JPH3: variants seen among roughly 807,000 people sequenced by gnomAD.
The protein encoded by JPH3 is junctophilin-3.
JPH3 carries 11 observed loss-of-function variants against 59.6 expected under a neutral mutation model. The ratio of observed to expected loss-of-function variants is 0.18; its 90% CI spans 0.12 to 0.31. The LOEUF (loss-of-function observed/expected upper bound fraction) is 0.31, where lower values mean the gene tolerates loss of function less well. JPH3 is among the 10% of genes least tolerant of loss of function. The pLI is 1.00. For synonymous variants in JPH3, 673 were observed against 483.6 expected (o/e 1.39, Z -5.14); for missense variants, 1,202 against 1,105.7 (o/e 1.09, Z -1.24).
intron 2 of JPH3, among the ~76,000 whole-genome samples, chr16:87,652,005 C>T (rs777333074): frequency 3.8e-4 from 57 of 151,088 alleles, no homozygotes; most frequent in Middle Eastern, 6.8e-3. Flanking sequence ...GATGGAGTCT[C>T]GCTCTGTTGC....
chr16:87,688,373 C>G lies in JPH3; in HGVS notation c.1286-1273C>G, dbSNP rs146581992. On this transcript the variant is annotated intron_variant, in intron 3 of 4. Transcript: ENST00000284262. ...AGCCTGGTGGCGTCGCAGCGTGCCC[C>G]GAATCTGCTTGCTAACGTCTCTTTA... Among the ~76,000 whole-genome samples, 5 of 152,194 alleles carry G rather than the reference C, an allele frequency of 3.3e-5. No individual in the cohort carries two copies. In the East Asian group the frequency reaches 7.7e-4, roughly 23 times the overall value.
intron 1 of JPH3, among the ~76,000 whole-genome samples, chr16:87,642,707 G>A (rs1226287227): frequency 1.3e-5 from 2 of 152,184 alleles, no homozygotes; most frequent in Non-Finnish European, 2.9e-5. Context: ...GAGGTTTGCC[G>A]CGTTGGGCGT....
chr16:87,620,592 G>A (rs2031150310), intron 1 of JPH3, among the ~76,000 whole-genome samples: 1 of 152,132 alleles, frequency 6.6e-6, no homozygotes, highest in East Asian at 1.9e-4. Flanking sequence ...GGGGGGACGT[G>A]CGTTGTTCCT....
At chr16:87,647,786 G>C (rs1276471371) in intron 2 of JPH3, among the ~76,000 whole-genome samples, 2 of 152,226 alleles carry the variant, frequency 1.3e-5, no homozygotes, top group African/African-American at 4.8e-5. Flanking sequence ...GGCTGCACAG[G>C]TGCGCCTAGG....
intron 1 of JPH3, among the ~76,000 whole-genome samples, chr16:87,637,186 C>T (rs535310135): frequency 1.3e-5 from 2 of 152,210 alleles, no homozygotes; most frequent in Admixed American, 6.5e-5. Context: ...CACCTCACTA[C>T]GTTGTTTTAT....
chr16:87,642,735 G>A (rs887124749), intron 1 of JPH3, among the ~76,000 whole-genome samples: 1 of 152,218 alleles, frequency 6.6e-6, no homozygotes, highest in Non-Finnish European at 1.5e-5. Context: ...AGGCCCAGCC[G>A]TCCTCACGGT....
chr16:87,608,344 G>T (rs556901447), intron 1 of JPH3, among the ~76,000 whole-genome samples: 1 of 152,298 alleles, frequency 6.6e-6, no homozygotes, highest in Non-Finnish European at 1.5e-5. Flanking sequence ...TGAATGTAAC[G>T]CCCTTTGTGT....
Position 87,644,493 on chromosome 16 carries a change from C to T in JPH3, c.618C>T (p.Ile206=). The change falls in exon 2 of 5, where the codon ATC becomes ATT. Residue 206 remains isoleucine, a synonymous_variant. Transcript: ENST00000284262. ...FVLVAHSDSE[I]LKSKKKGLFR... ...TCGTGGCCCACAGTGACTCCGAGAT[C>T]CTCAAGAGCAAGAAGAAGGGGCTGT... is the stretch of plus-strand genomic sequence containing the variant. The T allele has an allele frequency of 6.2e-7, 1 of 1,612,964 alleles. No homozygotes were observed. The highest frequency in any genetic ancestry group is 2.2e-5 in the East Asian group (1 of 44,860).
rs2033529012 is a variant in JPH3 at position 87,690,171 on chromosome 16, A to G, written c.1811A>G (p.Gln604Arg). ...GGAGGCTCCAGGCTGCTGGAGCTGCAGGAGGAGAAGCTGAGCAACTACCGG... is the reference window on the plus strand; with the variant it reads ...GGAGGCTCCAGGCTGCTGGAGCTGCGGGAGGAGAAGCTGAGCAACTACCGG... The part of the protein sequence containing the change: ...SPGGSRLLEL[Q>R]EEKLSNYRME... Residue 604 changes from glutamine (Q) to arginine (R), a missense_variant, in exon 4 of 5, where the codon CAG becomes CGG. Transcript: ENST00000284262. 6.3e-7 allele frequency: 1 copy of G among 1,599,674 alleles called. No homozygotes were observed. The highest frequency in any genetic ancestry group is 8.5e-7 in the Non-Finnish European group (1 of 1,173,526).
At chr16:87,621,670 C>T (rs996833854) in intron 1 of JPH3, among the ~76,000 whole-genome samples, 6 of 152,194 alleles carry the variant, frequency 3.9e-5, no homozygotes, top group African/African-American at 7.2e-5. Context: ...GTTGAAGGGC[C>T]GGGTTTATTC....
At chr16:87,664,003 T>G (rs191721981) in intron 2 of JPH3, among the ~76,000 whole-genome samples, 96 of 152,308 alleles carry the variant, frequency 6.3e-4, no homozygotes, top group African/African-American at 2.2e-3. Flanking sequence ...GGCCTTGTTT[T>G]GAGGAAATAT....
At chr16:87,645,722 A>G (rs2032125169) in intron 2 of JPH3, among the ~76,000 whole-genome samples, 1 of 152,046 alleles carries the variant, frequency 6.6e-6, no homozygotes, top group South Asian at 2.1e-4. Flanking sequence ...TGGGTGCAGG[A>G]TGGGGCCTTT....
At chr16:87,643,446 C>T (rs1317506717) in intron 1 of JPH3, among the ~76,000 whole-genome samples, 1 of 152,148 alleles carries the variant, frequency 6.6e-6, no homozygotes, top group Non-Finnish European at 1.5e-5. Flanking sequence ...GCCACTGTCC[C>T]TTCCCTATGC....
At chr16:87,627,717 T>G (rs1231070878) in intron 1 of JPH3, among the ~76,000 whole-genome samples, 3 of 152,218 alleles carry the variant, frequency 2.0e-5, no homozygotes, top group Admixed American at 1.3e-4. Flanking sequence ...AGTCAAGGAC[T>G]TCTGTCTGGG....
At chr16:87,643,254 G>A (rs561344149) in intron 1 of JPH3, among the ~76,000 whole-genome samples, 16 of 152,326 alleles carry the variant, frequency 1.1e-4, no homozygotes, top group African/African-American at 1.4e-4. Flanking sequence ...ATGTTCCATC[G>A]TATGGACGGA....
At chr16:87,612,401 T>C (rs964532364) in intron 1 of JPH3, among the ~76,000 whole-genome samples, 5 of 141,784 alleles carry the variant, frequency 3.5e-5, no homozygotes, top group African/African-American at 1.2e-4. Flanking sequence ...CTTTTACAGG[T>C]GTGAGCAACT....
intron 1 of JPH3, among the ~76,000 whole-genome samples, chr16:87,621,589 C>T (rs952184828): frequency 6.6e-6 from 1 of 152,222 alleles, no homozygotes; most frequent in Non-Finnish European, 1.5e-5. Flanking sequence ...CAGCCAGGAG[C>T]AATTGCTGTG....
chr16:87,656,687 C>T (rs1437348181), intron 2 of JPH3, among the ~76,000 whole-genome samples: 2 of 152,144 alleles, frequency 1.3e-5, no homozygotes, highest in South Asian at 2.1e-4. Context: ...GGACAGAGGA[C>T]GAGGAGGAAC....
chr16:87,648,851 T>C (rs1485779539), intron 2 of JPH3, among the ~76,000 whole-genome samples: 3 of 152,134 alleles, frequency 2.0e-5, no homozygotes, highest in African/African-American at 7.2e-5. Flanking sequence ...CCCCAGACTT[T>C]GTCTCATCAT....
Sources: allele counts gnomAD v4.1 joint callset (sites outside exome capture counted in the v4.1 genomes callset), GRCh38; gene constraint gnomAD v4.1.1; transcripts MANE v1.5; gene names NCBI Gene and HGNC (gene_info 2026-07-23, HGNC 2026-07-21).